Variants in OPCML observed in about 807,000 individuals in gnomAD.
OPCML encodes the protein opioid binding protein/cell adhesion molecule like.
OPCML carries 13 observed loss-of-function variants against 37.8 expected under a neutral mutation model. The observed-to-expected ratio is 0.34, with a 90% CI of 0.22 to 0.55. The LOEUF is 0.55. Among genes scored for constraint, OPCML ranks in the 20% least tolerant of loss-of-function variants. The probability of loss-of-function intolerance (pLI) is 0.91; values close to 1 mark genes in which losing one functional copy is unlikely to be tolerated. For synonymous variants in OPCML, 176 were observed against 168.8 expected (o/e 1.04, Z -0.33); for missense variants, 341 against 435.6 (o/e 0.78, Z 1.93).
At chr11:133,282,222 G>C (rs1281189109) in intron 1 of OPCML, among the ~76,000 whole-genome samples, 1 of 152,112 alleles carries the variant, frequency 6.6e-6, no homozygotes, top group African/African-American at 2.4e-5. Context: ...CAGACCCAGA[G>C]GCTTAGGAGA....
At chr11:133,130,750 A>G (rs1949590600) in intron 1 of OPCML, among the ~76,000 whole-genome samples, 1 of 152,192 alleles carries the variant, frequency 6.6e-6, no homozygotes, top group African/African-American at 2.4e-5. Flanking sequence ...AAACGGATCA[A>G]TGTAACAGCA....
intron 1 of OPCML, among the ~76,000 whole-genome samples, chr11:133,303,700 G>T (rs1942840955): frequency 6.6e-6 from 1 of 152,122 alleles, no homozygotes; most frequent in Non-Finnish European, 1.5e-5. Context: ...ACTGATGTTA[G>T]TCATTTACTA....
intron 1 of OPCML, among the ~76,000 whole-genome samples, chr11:132,985,033 C>CATG: frequency 6.6e-6 from 1 of 152,294 alleles, no homozygotes. Context: ...ATCTACCCAG[C>CATG]ATGAATTCAG....
chr11:132,574,615 C>T (rs2096446214), intron 3 of OPCML, among the ~76,000 whole-genome samples: 1 of 151,806 alleles, frequency 6.6e-6, no homozygotes, highest in Non-Finnish European at 1.5e-5. Context: ...TGTTTGTGGT[C>T]TGAAAATATA....
chr11:132,638,027 T>C (rs2135713562), intron 3 of OPCML, among the ~76,000 whole-genome samples: 1 of 152,282 alleles, frequency 6.6e-6, no homozygotes, highest in Non-Finnish European at 1.5e-5. Context: ...TAATATCATA[T>C]TCTAAAGGGA....
intron 2 of OPCML, among the ~76,000 whole-genome samples, chr11:132,682,040 G>A (rs1057345049): frequency 6.6e-6 from 1 of 152,082 alleles, no homozygotes. Context: ...CTAAAGGAGC[G>A]CTGTAACACG....
chr11:132,983,008 T>C (rs1013587570), intron 1 of OPCML, among the ~76,000 whole-genome samples: 1 of 152,216 alleles, frequency 6.6e-6, no homozygotes, highest in African/African-American at 2.4e-5. Flanking sequence ...GGAAGGCTAC[T>C]GATTGGAACA....
chr11:132,768,084 G>A (rs1005542388), intron 2 of OPCML, among the ~76,000 whole-genome samples: 12 of 152,178 alleles, frequency 7.9e-5, no homozygotes, highest in African/African-American at 2.9e-4. Context: ...AAAGGTACAC[G>A]TACACGCTGT....
intron 1 of OPCML, among the ~76,000 whole-genome samples, chr11:133,196,173 T>C (rs1223129175): frequency 2.0e-5 from 3 of 152,226 alleles, no homozygotes; most frequent in Non-Finnish European, 4.4e-5. Flanking sequence ...TAATTCTTCT[T>C]AATGACTTTG....
At chr11:133,180,765 ACGCAGT>A (rs1321195363) in intron 1 of OPCML, among the ~76,000 whole-genome samples, 1 of 150,690 alleles carries the variant, frequency 6.6e-6, no homozygotes, top group African/African-American at 2.5e-5. Context: ...TACGCATCAC[ACGCAGT>A]CTGGAAAGAC....
At chr11:132,725,133 T>A (rs1466087540) in intron 2 of OPCML, among the ~76,000 whole-genome samples, 1 of 152,218 alleles carries the variant, frequency 6.6e-6, no homozygotes, top group African/African-American at 2.4e-5. Flanking sequence ...CCACATTTCT[T>A]TTCTGCACTG....
intron 1 of OPCML, among the ~76,000 whole-genome samples, chr11:132,982,001 T>C (rs60646183): frequency 0.18 from 27,550 of 152,088 alleles, 2,753 homozygotes; most frequent in African/African-American, 0.22. Context: ...GGCCTTTGGG[T>C]TCTAAACCCA....
intron 1 of OPCML, among the ~76,000 whole-genome samples, chr11:132,956,228 A>T (rs1945975478): frequency 1.3e-5 from 2 of 152,308 alleles, no homozygotes; most frequent in Admixed American, 6.5e-5. Context: ...CACTATTTAC[A>T]TGGCAAGAAG....
chr11:133,460,153 T>A (rs1946826396), intron 1 of OPCML, among the ~76,000 whole-genome samples: 1 of 151,850 alleles, frequency 6.6e-6, no homozygotes, highest in Non-Finnish European at 1.5e-5. Context: ...TTATAAAATA[T>A]CTTGAGAAAA....
intron 2 of OPCML, among the ~76,000 whole-genome samples, chr11:132,865,020 G>A (rs1406543491): frequency 1.3e-5 from 2 of 152,254 alleles, no homozygotes; most frequent in Non-Finnish European, 2.9e-5. Context: ...TTGGGCATTA[G>A]CTCCGCAAGT....
At chr11:132,541,018 G>A (rs1475559403) in intron 3 of OPCML, among the ~76,000 whole-genome samples, 1 of 152,110 alleles carries the variant, frequency 6.6e-6, no homozygotes, top group Non-Finnish European at 1.5e-5. Flanking sequence ...AGGATCACAG[G>A]GTTTAATTTA....
chr11:132,715,327 A>G lies in OPCML; in HGVS notation c.147-58008T>C, dbSNP rs79861200. 9.3e-3 allele frequency among the ~76,000 whole-genome samples: 1,413 copies of G among 152,270 alleles called. 17 individuals carry two copies. The highest frequency in any genetic ancestry group is 0.033 in the African/African-American group (1,353 of 41,544). Reference sequence around the variant, plus strand: ...CAGATATACAGATGAGTAATGCACAATTTCTGCCCGTGAGCTGTCCACAAA... The same window carrying G: ...CAGATATACAGATGAGTAATGCACAGTTTCTGCCCGTGAGCTGTCCACAAA... On this transcript the variant is annotated intron_variant, in intron 2 of 7. Transcript: ENST00000524381.
intron 1 of OPCML, among the ~76,000 whole-genome samples, chr11:133,325,121 C>T (rs1943417546): frequency 3.3e-5 from 5 of 152,152 alleles, no homozygotes; most frequent in Admixed American, 3.3e-4. Context: ...TGAAGGGCCC[C>T]GTGGGCTGAG....
chr11:132,494,924 C>A (rs1357862850), intron 4 of OPCML, among the ~76,000 whole-genome samples: 1 of 152,046 alleles, frequency 6.6e-6, no homozygotes, highest in Non-Finnish European at 1.5e-5. Context: ...GACTCAATTT[C>A]TCACAACCTG....
Sources: allele counts gnomAD v4.1 joint callset (sites outside exome capture counted in the v4.1 genomes callset), GRCh38; gene constraint gnomAD v4.1.1; transcripts MANE v1.5; gene names NCBI Gene and HGNC (gene_info 2026-07-23, HGNC 2026-07-21).